CCDC92B: variants seen among roughly 807,000 people sequenced by gnomAD.
CCDC92B encodes the protein coiled-coil domain-containing 92B.
A neutral mutation model predicts 5.6 loss-of-function variants in CCDC92B; 2 were observed. The ratio of observed to expected loss-of-function variants is 0.36; its 90% CI spans 0.15 to 1.12. The LOEUF (loss-of-function observed/expected upper bound fraction) is 1.12, where lower values mean the gene tolerates loss of function less well. Ranked by LOEUF, CCDC92B falls within the 50% of genes most tolerant of loss-of-function variation. The pLI, the probability that CCDC92B is intolerant of heterozygous loss-of-function variation, is 0.40. For synonymous variants in CCDC92B, 115 were observed against 122.3 expected (o/e 0.94, Z 0.39); for missense variants, 271 against 262.2 (o/e 1.03, Z -0.23).
chr17:2,747,848 C>T (rs1375497380), intron 1 of CCDC92B, among the ~76,000 whole-genome samples: 2 of 152,174 alleles, frequency 1.3e-5, no homozygotes, highest in Non-Finnish European at 2.9e-5. Flanking sequence ...GACATGGCAT[C>T]AATGCATAAA....
intron 2 of CCDC92B, among the ~76,000 whole-genome samples, chr17:2,733,696 T>C (rs995006715): frequency 6.8e-6 from 1 of 147,602 alleles, no homozygotes; most frequent in African/African-American, 2.5e-5. Context: ...CGGCTGACCC[T>C]GTCTGTGGAG....
intron 3 of CCDC92B, among the ~76,000 whole-genome samples, chr17:2,727,596 T>G (rs946383064): frequency 1.3e-5 from 2 of 151,256 alleles, no homozygotes; most frequent in Non-Finnish European, 3.0e-5. Context: ...GAGGCCAAGG[T>G]GGGCGGATCA....
At chr17:2,746,520 G>A (rs2070988703) in intron 1 of CCDC92B, among the ~76,000 whole-genome samples, 1 of 151,732 alleles carries the variant, frequency 6.6e-6, no homozygotes, top group South Asian at 2.1e-4. Flanking sequence ...GGAACCTTCT[G>A]ACCCTGGCAC....
rs142373045 is a variant in CCDC92B at position 2,735,684 on chromosome 17, G to A, written c.-23-516C>T. Among the ~76,000 whole-genome samples, 16 of 152,278 alleles carry A rather than the reference G, an allele frequency of 1.1e-4. No homozygotes were observed. In the East Asian group the frequency reaches 3.1e-3, roughly 29 times the overall value. On this transcript the variant is annotated intron_variant, in intron 1 of 3. Transcript: ENST00000614400. ...AACCTCAGGAGATCCATCCGCCTTGGCCTCCCAGAGTGCCAGGATGACAGG... is the reference window on the plus strand; with the variant it reads ...AACCTCAGGAGATCCATCCGCCTTGACCTCCCAGAGTGCCAGGATGACAGG...
At chr17:2,748,658 A>G (rs947547473) in intron 1 of CCDC92B, among the ~76,000 whole-genome samples, 1 of 152,150 alleles carries the variant, frequency 6.6e-6, no homozygotes, top group Admixed American at 6.5e-5. Flanking sequence ...TGAAACAGGG[A>G]GAATGGATTG....
intron 1 of CCDC92B, among the ~76,000 whole-genome samples, chr17:2,745,501 A>C (rs1161578702): frequency 6.6e-6 from 1 of 152,022 alleles, no homozygotes; most frequent in Non-Finnish European, 1.5e-5. Flanking sequence ...TGCTTTTCTC[A>C]GGGAGGAAAT....
chr17:2,724,009 G>T lies in CCDC92B; in HGVS notation c.*402C>A. On this transcript the variant is annotated 3_prime_UTR_variant, in exon 4 of 4. Coordinates refer to ENST00000614400, the MANE Select transcript of CCDC92B (RefSeq NM_001355573.2). This position sits in a 1 kb window ranked among gnomAD's most constrained non-coding sequence, Gnocchi z 5.0. ...GGTGGGGAGCTAGAGGGCCTGGGGCGCCAATGCCACTCTGCGTCCCTTTCC... is the reference window on the plus strand; with the variant it reads ...GGTGGGGAGCTAGAGGGCCTGGGGCTCCAATGCCACTCTGCGTCCCTTTCC... 1 of 982,998 alleles carries T rather than the reference G, an allele frequency of 1.0e-6. No individual in the cohort carries two copies. Among genetic ancestry groups the T allele is most frequent in the Non-Finnish European group, 1.2e-6 (1 of 827,944 alleles). 60.9% of individuals were successfully genotyped at this position (982,998 alleles called of 1,614,324 possible).
chr17:2,726,682 C>T (rs1243960232), intron 3 of CCDC92B, among the ~76,000 whole-genome samples: 3 of 150,600 alleles, frequency 2.0e-5, no homozygotes, highest in Non-Finnish European at 4.4e-5. Flanking sequence ...GGCATGATCT[C>T]GGTTCACTGC....
At position 2,735,108 on chromosome 17, in the gene CCDC92B, A is replaced by G; in HGVS notation, c.38T>C (p.Val13Ala). The G allele has an allele frequency of 1.0e-6, 1 of 985,570 alleles. No homozygotes were observed. The allele number at this position is 985,570 out of a possible 1,614,324, so 61.1% of individuals were successfully genotyped here. The change falls in exon 2 of 4, where the codon GTG becomes GCG. Residue 13 changes from valine to alanine, a missense_variant. By Grantham distance (64) the Val-to-Ala change is moderately conservative. Coordinates refer to ENST00000614400, the MANE Select transcript of CCDC92B (RefSeq NM_001355573.2). ...TTTCAGGAAGCTGATGTGGCGTTGCACGCTCTGGATCTGATGCTCCAGGGA... is the reference window on the plus strand; with the variant it reads ...TTTCAGGAAGCTGATGTGGCGTTGCGCGCTCTGGATCTGATGCTCCAGGGA... ...TVSLEHQIQS[V>A]QRHISFLKKE...
At chr17:2,730,259 C>T (rs1328102385) in intron 3 of CCDC92B, among the ~76,000 whole-genome samples, 187 bp downstream of exon 3, 1 of 152,168 alleles carries the variant, frequency 6.6e-6, no homozygotes, top group African/African-American at 2.4e-5. Flanking sequence ...GTTCACTGCA[C>T]AAGGCATTTC....
chr17:2,733,802 G>A (rs2070827461), intron 2 of CCDC92B, among the ~76,000 whole-genome samples: 1 of 123,462 alleles, frequency 8.1e-6, no homozygotes, highest in African/African-American at 3.1e-5. Flanking sequence ...TTGTTGCCCA[G>A]GATGGAGTAC....
At position 2,728,607 on chromosome 17, in the gene CCDC92B, AAAAAAAAC is replaced by A. The variant is rs1259436527; in HGVS notation, c.178+1831_178+1838del. ...GACAGAGCGAGACTCCGTCTCAAAA[AAAAAAAAC>A]AAAAAAAACAAAAAGATGAAGACAT... is the stretch of plus-strand genomic sequence containing the variant. On this transcript the variant is annotated intron_variant, in intron 3 of 3. Transcript: ENST00000614400. Among the ~76,000 whole-genome samples, 6 of 151,956 alleles carry A rather than the reference AAAAAAAAC, an allele frequency of 3.9e-5. No homozygotes were observed. In the East Asian group the frequency reaches 9.7e-4, roughly 24 times the overall value.
intron 3 of CCDC92B, among the ~76,000 whole-genome samples, chr17:2,727,806 A>G (rs2070749704): frequency 1.3e-5 from 2 of 148,520 alleles, no homozygotes; most frequent in Non-Finnish European, 3.0e-5. Context: ...CCTGGGCGCC[A>G]GAGTGAGACT....
intron 3 of CCDC92B, among the ~76,000 whole-genome samples, chr17:2,728,299 C>CA (rs1187599054): frequency 8.0e-6 from 1 of 125,696 alleles, no homozygotes; most frequent in African/African-American, 3.2e-5. Context: ...GCCTGGGTGA[C>CA]AGAGTATGTC....
chr17:2,748,711 A>C (rs937784741), intron 1 of CCDC92B, among the ~76,000 whole-genome samples: 3 of 152,180 alleles, frequency 2.0e-5, no homozygotes, highest in Non-Finnish European at 4.4e-5. Flanking sequence ...ACACATATTA[A>C]AAAATAAGTA....
chr17:2,725,567 C>A (rs548695676), intron 3 of CCDC92B, among the ~76,000 whole-genome samples: 1 of 151,674 alleles, frequency 6.6e-6, no homozygotes, highest in Non-Finnish European at 1.5e-5. Flanking sequence ...GTGCAAACCC[C>A]TTCCTGGCCC....
At chr17:2,743,657 A>G (rs927074569) in intron 1 of CCDC92B, among the ~76,000 whole-genome samples, 66 of 152,158 alleles carry the variant, frequency 4.3e-4, no homozygotes, top group African/African-American at 1.5e-3. Flanking sequence ...GGGACTTTGT[A>G]CATGCTGTCC....
At chr17:2,743,350 G>C (rs1208766705) in intron 1 of CCDC92B, among the ~76,000 whole-genome samples, 1 of 152,208 alleles carries the variant, frequency 6.6e-6, no homozygotes, top group Admixed American at 6.5e-5. Flanking sequence ...AGAATCTCTT[G>C]AACCCGGGAG....
chr17:2,741,748 G>A (rs949138177), intron 1 of CCDC92B, among the ~76,000 whole-genome samples: 1 of 150,244 alleles, frequency 6.7e-6, no homozygotes, highest in South Asian at 2.1e-4. Context: ...GCCCACGACC[G>A]CGCCTGGCTA....
Sources: gnomAD v4.1 joint callset for allele counts (sites outside exome capture counted in the v4.1 genomes callset) on GRCh38, gnomAD v4.1.1 for gene constraint, Gnocchi (gnomAD v3.1) non-coding constraint, MANE v1.5 for transcripts, NCBI Gene and HGNC (gene_info 2026-07-23, HGNC 2026-07-21) for gene names.